CNIH4: variants seen among roughly 807,000 people sequenced by gnomAD.
CNIH4 encodes the protein cornichon family member 4.
Under a neutral mutation model 21.5 loss-of-function variants are expected in CNIH4, and 9 were observed. The observed-to-expected ratio is 0.42, with a 90% confidence interval of 0.25 to 0.73. The LOEUF (loss-of-function observed/expected upper bound fraction) is 0.73, where lower values mean the gene tolerates loss of function less well. Ranked by LOEUF, CNIH4 falls within the 30% of genes least tolerant of loss-of-function variation. The pLI is 0.27. For synonymous variants in CNIH4, 67 were observed against 59.1 expected (o/e 1.13, Z -0.61); for missense variants, 159 against 170.0 (o/e 0.94, Z 0.36).
intron 4 of CNIH4, 137 bp from the exon 5 acceptor site, chr1:224,375,658 C>A: frequency 4.5e-6 from 4 of 882,660 alleles, no homozygotes; most frequent in African/African-American, 1.7e-5. Context: ...TATATTCTTT[C>A]CTTTGGGTAT....
chr1:224,375,536 GTTTTT>G (rs1281898403), intron 4 of CNIH4, among the ~76,000 whole-genome samples: 2 of 151,664 alleles, frequency 1.3e-5, no homozygotes, highest in East Asian at 3.9e-4. Flanking sequence ...GTTTTGTTTT[GTTTTT>G]ATTTTTTTAA....
In CNIH4 at chr1:224,362,067, G is replaced by A. The variant is rs1672302706; in HGVS notation, c.138+1504G>A. Among the ~76,000 whole-genome samples the A allele has an allele frequency of 2.1e-5, 3 of 145,516 alleles. No homozygotes were observed. The South Asian group carries it at 6.9e-4, about 33-fold the overall frequency. ...GGTCTTCTGACTTCCAGTGGTTCAA[G>A]TTGGGAAGTACCATGCCATTTTTTT... is the stretch of plus-strand genomic sequence containing the variant. On this transcript the variant is annotated intron_variant, in intron 2 of 4. Coordinates refer to ENST00000465271, the MANE Select transcript of CNIH4 (RefSeq NM_014184.4).
chr1:224,378,038 GATCACTGTAGTTAA>G lies in CNIH4; in HGVS notation c.*2219_*2232del, dbSNP rs1400675333. On this transcript the variant is annotated 3_prime_UTR_variant, in exon 5 of 5. Coordinates refer to ENST00000465271, the MANE Select transcript of CNIH4 (RefSeq NM_014184.4). The stretch of plus-strand genomic sequence containing the variant: ...GTCTATCAAAGCCAGGAAAGTGGGG[GATCACTGTAGTTAA>G]ATTTTTTTTTTTTTTAATTAGAGAC... The G allele has an allele frequency of 6.6e-6, 1 of 152,046 alleles. No homozygotes were observed. Among genetic ancestry groups the G allele is most frequent in the African/African-American group, 2.4e-5 (1 of 41,394 alleles). The allele number at this position is 152,046 out of a possible 1,614,324, so 9.4% of individuals were successfully genotyped here.
Position 224,356,913 on chromosome 1 carries a change from C to CGGA in CNIH4, c.-2_1dup, listed in dbSNP as rs768665444. The CGGA allele has an allele frequency of 1.9e-6, 3 of 1,603,516 alleles. No homozygotes were observed. Among genetic ancestry groups the CGGA allele is most frequent in the African/African-American group, 1.3e-5 (1 of 74,914 alleles). On this transcript the variant is annotated 5_prime_UTR_variant, in exon 1 of 5. Transcript: ENST00000465271. The stretch of plus-strand genomic sequence containing the variant: ...GGTTTGACGGAAGGAGCGGCGGCGA[C>CGGA]GGAGGAGGAGGATGGAGGCGGTGGT...
intron 2 of CNIH4, among the ~76,000 whole-genome samples, chr1:224,361,535 G>A (rs1228712274): frequency 6.6e-6 from 1 of 152,076 alleles, no homozygotes; most frequent in Non-Finnish European, 1.5e-5. Flanking sequence ...GATTACAGGT[G>A]TCAGCCACCA....
chr1:224,360,495 A>G lies in CNIH4; in HGVS notation c.70A>G (p.Ile24Val), dbSNP rs1353247400. ...AATAATTCCTTATCTTGATCATCAG[A>G]TAATTACATTGTCTGATTTAGAATG... ...CALIFLSVYFIITLSDLECDY... is the reference protein window; with the variant it reads ...CALIFLSVYFVITLSDLECDY... The change falls in exon 2 of 5, where the codon ATA becomes GTA. Residue 24 changes from isoleucine to valine, a missense_variant and splice_region_variant. By Grantham distance (29) the Ile-to-Val change is conservative. Coordinates refer to ENST00000465271, the MANE Select transcript of CNIH4 (RefSeq NM_014184.4). 4 of 1,385,670 alleles carry G rather than the reference A, an allele frequency of 2.9e-6. No individual in the cohort carries two copies. Among genetic ancestry groups the G allele is most frequent in the Middle Eastern group, 2.3e-4 (1 of 4,438 alleles). The allele number at this position is 1,385,670 out of a possible 1,614,324, so 85.8% of individuals were successfully genotyped here.
chr1:224,369,009 T>C (rs777349878), intron 3 of CNIH4, among the ~76,000 whole-genome samples: 3 of 152,006 alleles, frequency 2.0e-5, no homozygotes, highest in Non-Finnish European at 2.9e-5. Context: ...CTGCCTGTTA[T>C]AAGCATTAAT....
chr1:224,357,862 C>T (rs1166478803), intron 1 of CNIH4, among the ~76,000 whole-genome samples: 1 of 152,210 alleles, frequency 6.6e-6, no homozygotes, highest in African/African-American at 2.4e-5. Flanking sequence ...CTTCCCATCT[C>T]TTGACAAAGC....
At chr1:224,367,160 G>C (rs562870805) in intron 3 of CNIH4, among the ~76,000 whole-genome samples, 9 of 152,254 alleles carry the variant, frequency 5.9e-5, no homozygotes, top group African/African-American at 2.2e-4. Flanking sequence ...ATATTAGTGG[G>C]TTGCTGCTCT....
In CNIH4 at chr1:224,365,881, G is replaced by A. The variant is rs1411530555; in HGVS notation, c.141G>A (p.Trp47Ter). The A allele has an allele frequency of 6.3e-7, 1 of 1,578,638 alleles. No individual in the cohort carries two copies. Among genetic ancestry groups the A allele is most frequent in the African/African-American group, 1.3e-5 (1 of 74,240 alleles). The change falls in exon 3 of 5, where the codon TGG (tryptophan) becomes TGA (stop). Residue 47 changes from tryptophan to a stop codon, truncating the protein, a stop_gained and splice_region_variant. Coordinates refer to ENST00000465271, the MANE Select transcript of CNIH4 (RefSeq NM_014184.4). LOFTEE classifies it high-confidence loss of function. The stretch of plus-strand genomic sequence containing the variant: ...AATACTGTGTTCTTCCATTGCAGTG[G>A]GTAATTCCAGAATTGATTGGCCATA... ...ARSCCSKLNK[W>*]VIPELIGHTI...
intron 4 of CNIH4, among the ~76,000 whole-genome samples, chr1:224,374,960 A>G (rs1367641425): frequency 6.6e-6 from 1 of 152,190 alleles, no homozygotes; most frequent in Non-Finnish European, 1.5e-5. Flanking sequence ...ATTTTTGTGT[A>G]TTTTAGGCAT....
intron 1 of CNIH4, chr1:224,357,314 C>G (rs1204023222): frequency 3.8e-6 from 1 of 265,190 alleles, no homozygotes; most frequent in Admixed American, 5.7e-5. Flanking sequence ...CCCCGCGGCG[C>G]CCGGACCAGC....
intron 4 of CNIH4, among the ~76,000 whole-genome samples, chr1:224,373,556 T>A (rs946215147): frequency 3.3e-5 from 5 of 150,060 alleles, no homozygotes; most frequent in Non-Finnish European, 5.9e-5. Context: ...GTGGCTGGGC[T>A]CGGTGGCTCA....
chr1:224,359,775 G>A (rs1352395251), intron 1 of CNIH4, among the ~76,000 whole-genome samples: 1 of 152,082 alleles, frequency 6.6e-6, no homozygotes. Context: ...TCAGTGTAAC[G>A]TGAATCCTGG....
chr1:224,378,226 G>C lies in CNIH4; in HGVS notation c.*2404G>C, dbSNP rs1672832905. 6.6e-6 allele frequency: 1 copy of C among 152,044 alleles called. No homozygotes were observed. The highest frequency in any genetic ancestry group is 1.5e-5 in the Non-Finnish European group (1 of 68,072). 9.4% of individuals were successfully genotyped at this position (152,044 alleles called of 1,614,324 possible). ...CACCACCATGCCCAGCGAATTTTTT[G>C]TAGAGACAGAGGTCTTGCTATGTTG... On this transcript the variant is annotated 3_prime_UTR_variant, in exon 5 of 5. Coordinates refer to ENST00000465271, the MANE Select transcript of CNIH4 (RefSeq NM_014184.4).
rs1672127544 is a variant in CNIH4 at position 224,356,901 on chromosome 1, G to C, written c.-24G>C. 1 of 1,591,634 alleles carries C rather than the reference G, an allele frequency of 6.3e-7. No individual in the cohort carries two copies. The highest frequency in any genetic ancestry group is 1.7e-5 in the Admixed American group (1 of 57,554). ...GGCATCCGAGCGGGTTTGACGGAAGGAGCGGCGGCGACGGAGGAGGAGGAT... is the reference window on the plus strand; with the variant it reads ...GGCATCCGAGCGGGTTTGACGGAAGCAGCGGCGGCGACGGAGGAGGAGGAT... On this transcript the variant is annotated 5_prime_UTR_variant, in exon 1 of 5. Coordinates refer to ENST00000465271, the MANE Select transcript of CNIH4 (RefSeq NM_014184.4).
intron 2 of CNIH4, among the ~76,000 whole-genome samples, chr1:224,362,765 C>G (rs990926628): frequency 3.3e-5 from 5 of 152,158 alleles, no homozygotes; most frequent in African/African-American, 1.2e-4. Context: ...CAGGCATGAG[C>G]CACTGTGCCT....
At chr1:224,374,389 T>C (rs1672719911) in intron 4 of CNIH4, among the ~76,000 whole-genome samples, 2 of 152,132 alleles carry the variant, frequency 1.3e-5, no homozygotes, top group South Asian at 4.1e-4. Context: ...CCACTTACAC[T>C]GTGGCCTGGG....
chr1:224,361,219 G>A (rs562406280), intron 2 of CNIH4, among the ~76,000 whole-genome samples: 154 of 150,924 alleles, frequency 1.0e-3, no homozygotes, highest in African/African-American at 3.5e-3. Context: ...AGGTTCAAGC[G>A]TTTCTCCTGC....
Sources: allele counts gnomAD v4.1 joint callset (sites outside exome capture counted in the v4.1 genomes callset), GRCh38; gene constraint gnomAD v4.1.1; transcripts MANE v1.5; gene names NCBI Gene and HGNC (gene_info 2026-07-23, HGNC 2026-07-21).